The following FRMPD1 variants were observed in gnomAD, a reference collection of about 807,000 sequenced individuals.
FRMPD1 encodes FERM and PDZ domain-containing protein 1.
In FRMPD1, 76 loss-of-function variants were observed where a neutral mutation model predicts 117.8. The ratio of observed to expected loss-of-function variants is 0.65; its 90% CI spans 0.54 to 0.78. FRMPD1 has a LOEUF of 0.78. Among genes scored for constraint, FRMPD1 ranks in the 30% least tolerant of loss-of-function variants. The pLI is 0.00. For missense variants in FRMPD1, 1,786 were observed against 1,964.5 expected, an observed-to-expected ratio of 0.91 and a Z score of 1.72; for synonymous variants, 783 against 770.4, an observed-to-expected ratio of 1.02 and a Z score of -0.27.
At chr9:37,685,372 A>ATG in intron 1 of FRMPD1, among the ~76,000 whole-genome samples, 1 of 152,030 alleles carries the variant, frequency 6.6e-6, no homozygotes, top group Non-Finnish European at 1.5e-5. Context: ...GGCTGGGCGC[A>ATG]GTGGCTCACG....
chr9:37,647,221 T>C (rs2119338874), upstream of FRMPD1, among the ~76,000 whole-genome samples: 1 of 152,128 alleles, frequency 6.6e-6, no homozygotes, highest in East Asian at 1.9e-4. Flanking sequence ...AGATTGAAAG[T>C]AATCTAGGCC....
chr9:37,636,224 G>A, the FRMPD1 span, among the ~76,000 whole-genome samples: 1 of 152,206 alleles, frequency 6.6e-6, no homozygotes, highest in African/African-American at 2.4e-5. Flanking sequence ...GTCCAGCCCA[G>A]GGCCCTGGAT....
the FRMPD1 span, among the ~76,000 whole-genome samples, chr9:37,641,749 A>G: frequency 6.6e-6 from 1 of 152,160 alleles, no homozygotes; most frequent in African/African-American, 2.4e-5. Flanking sequence ...CTGTCCATGC[A>G]CTGTTTCCAG....
At chr9:37,664,431 C>T (rs753218039) in intron 1 of FRMPD1, among the ~76,000 whole-genome samples, 1 of 152,040 alleles carries the variant, frequency 6.6e-6, no homozygotes, top group Non-Finnish European at 1.5e-5. Flanking sequence ...GGTTTTAAGC[C>T]CCACATGCAT....
rs1220892129 is a variant in FRMPD1 at position 37,737,158 on chromosome 9, C to T, written c.1464C>T (p.Tyr488=). Residue 488 remains tyrosine, a synonymous_variant, in exon 14 of 16, where the codon TAC becomes TAT. Transcript: ENST00000377765. ...ACCTAGCCTGCCTGATTGCTGGGTA[C>T]TACAGGCTGTTGGTTGACCCAGTTA... ...AKDLACLIAG[Y]YRLLVDPVTS... 1 of 1,612,172 alleles carries T rather than the reference C, an allele frequency of 6.2e-7. No homozygotes were observed. The highest frequency in any genetic ancestry group is 1.1e-5 in the South Asian group (1 of 91,020).
Position 37,733,744 on chromosome 9 carries a change from T to C in FRMPD1, c.1137T>C (p.Ala379=). 1 of 1,605,774 alleles carries C rather than the reference T, an allele frequency of 6.2e-7. No individual in the cohort carries two copies. Among genetic ancestry groups the C allele is most frequent in the Non-Finnish European group, 8.5e-7 (1 of 1,172,330 alleles). ...LEPRQKQLIS[A]AQLRLNYLQI... The stretch of plus-strand genomic sequence containing the variant: ...TCTCTATTAAGCAACTTATTTCTGC[T>C]GCCCAGCTACGTTTAAATTATCTAC... Residue 379 remains alanine, a synonymous_variant, in exon 12 of 16, where the codon GCT becomes GCC. Transcript: ENST00000377765.
intron 1 of FRMPD1, chr9:37,661,894 A>G (rs369942922): frequency 1.3e-5 from 2 of 152,702 alleles, no homozygotes; most frequent in South Asian, 4.2e-4. Context: ...TCTGTCGGGG[A>G]TGGCTGTCCT....
chr9:37,655,902 T>C (rs1470739723), intron 1 of FRMPD1, among the ~76,000 whole-genome samples: 2 of 152,154 alleles, frequency 1.3e-5, no homozygotes, highest in South Asian at 2.1e-4. Context: ...GTCCTGCCTA[T>C]GCCTGAAGGC....
chr9:37,607,735 G>T, the FRMPD1 span, among the ~76,000 whole-genome samples: 29 of 152,324 alleles, frequency 1.9e-4, no homozygotes, highest in African/African-American at 6.5e-4. Context: ...CAGGGTCGGG[G>T]ATTTATAGTC....
At chr9:37,692,595 A>C (rs1822178358) in intron 1 of FRMPD1, 43 bp from the exon 2 acceptor site, 1 of 1,222,288 alleles carries the variant, frequency 8.2e-7, no homozygotes, top group Non-Finnish European at 1.2e-6. Context: ...TCCTCTTTAG[A>C]GTATTTTGGT....
chr9:37,724,383 A>G, intron 7 of FRMPD1, 63 bp downstream of exon 7: 1 of 861,840 alleles, frequency 1.2e-6, no homozygotes, highest in South Asian at 1.4e-5. Context: ...AGGACCCCCC[A>G]GGCATCTTGC....
At chr9:37,720,013 T>C (rs1002578555) in intron 6 of FRMPD1, among the ~76,000 whole-genome samples, 11 of 151,856 alleles carry the variant, frequency 7.2e-5, no homozygotes, top group African/African-American at 2.7e-4. Flanking sequence ...CTTCTCACCA[T>C]AGAGACCAGC....
chr9:37,708,915 T>G (rs1409521910), intron 4 of FRMPD1, among the ~76,000 whole-genome samples: 4 of 152,234 alleles, frequency 2.6e-5, no homozygotes. Flanking sequence ...ATATATCTTC[T>G]TAAATATAAT....
intron 2 of FRMPD1, among the ~76,000 whole-genome samples, chr9:37,701,335 A>G (rs906055152): frequency 6.6e-6 from 1 of 152,218 alleles, no homozygotes; most frequent in Non-Finnish European, 1.5e-5. Context: ...GGTTCTTGCT[A>G]CACAAACTAG....
At chr9:37,660,868 A>G (rs1820981922) in intron 1 of FRMPD1, among the ~76,000 whole-genome samples, 2 of 152,194 alleles carry the variant, frequency 1.3e-5, no homozygotes, top group South Asian at 4.1e-4. Flanking sequence ...TGGGGGGTAC[A>G]GTGTTGACCG....
intron 5 of FRMPD1, among the ~76,000 whole-genome samples, chr9:37,712,700 C>T (rs1002597508): frequency 1.3e-5 from 2 of 152,154 alleles, no homozygotes; most frequent in Non-Finnish European, 2.9e-5. Context: ...TGAAGCTACA[C>T]TCAGAGTAAA....
At chr9:37,689,650 T>C (rs1822065900) in intron 1 of FRMPD1, among the ~76,000 whole-genome samples, 1 of 152,194 alleles carries the variant, frequency 6.6e-6, no homozygotes, top group Non-Finnish European at 1.5e-5. Context: ...ATCTCATTTC[T>C]TTTGTCCTTA....
intron 11 of FRMPD1, 28 bp from the exon 12 acceptor site, chr9:37,733,702 C>T: frequency 1.3e-6 from 2 of 1,578,284 alleles, no homozygotes; most frequent in Non-Finnish European, 1.7e-6. Context: ...ATAACTCTGA[C>T]TTCAAGTGTT....
the FRMPD1 span, chr9:37,637,313 T>TCAGTCGCTCC: frequency 1.6e-6 from 2 of 1,215,458 alleles, no homozygotes; most frequent in African/African-American, 1.5e-5. Context: ...GGAAGCCCGC[T>TCAGTCGCTCC]CAGTCGCTCC....
Sources: allele counts gnomAD v4.1 joint callset (sites outside exome capture counted in the v4.1 genomes callset), GRCh38; gene constraint gnomAD v4.1.1; transcripts MANE v1.5; gene names NCBI Gene and HGNC (gene_info 2026-07-23, HGNC 2026-07-21).